The following KCND2 variants were observed in gnomAD, a reference collection of about 807,000 sequenced individuals.
The protein encoded by KCND2 is potassium voltage-gated channel subfamily D member 2, also known as A-type voltage-gated potassium channel KCND2.
Under a neutral mutation model 54.4 loss-of-function variants are expected in KCND2, and 16 were observed. That is an observed-to-expected ratio of 0.29 (90% CI 0.20 to 0.45). The LOEUF is 0.45. KCND2 is among the 20% of genes least tolerant of loss of function. The pLI, the probability that KCND2 is intolerant of heterozygous loss-of-function variation, is 1.00. For synonymous variants in KCND2, 317 were observed against 310.7 expected (o/e 1.02, Z -0.21); for missense variants, 486 against 824.2 (o/e 0.59, Z 5.02).
At chr7:120,668,824 T>C (rs1368330688) in intron 1 of KCND2, among the ~76,000 whole-genome samples, 1 of 152,052 alleles carries the variant, frequency 6.6e-6, no homozygotes, top group Admixed American at 6.5e-5. Flanking sequence ...ACAGTGCTCG[T>C]TGATATTTAT....
chr7:120,593,953 G>T (rs547161992), intron 1 of KCND2, among the ~76,000 whole-genome samples: 1 of 152,264 alleles, frequency 6.6e-6, no homozygotes, highest in Admixed American at 6.5e-5. Context: ...CTGCTGGCCT[G>T]CCCAGACCAG....
chr7:120,721,290 T>C (rs1162232139), intron 1 of KCND2, among the ~76,000 whole-genome samples: 1 of 152,162 alleles, frequency 6.6e-6, no homozygotes, highest in Non-Finnish European at 1.5e-5. Flanking sequence ...AAGATCCTCT[T>C]CATGTATATA....
At chr7:120,548,171 A>C (rs1363571170) in intron 1 of KCND2, among the ~76,000 whole-genome samples, 1 of 152,138 alleles carries the variant, frequency 6.6e-6, no homozygotes, top group Non-Finnish European at 1.5e-5. Flanking sequence ...ACATGGGTTT[A>C]TGTGGGTAAT....
At chr7:120,522,905 T>G (rs1033709681) in intron 1 of KCND2, among the ~76,000 whole-genome samples, 1 of 152,186 alleles carries the variant, frequency 6.6e-6, no homozygotes, top group Non-Finnish European at 1.5e-5. Flanking sequence ...TTCTGTCAAT[T>G]TTCAGTAATG....
chr7:120,537,707 A>G (rs892972694), intron 1 of KCND2, among the ~76,000 whole-genome samples: 19 of 152,202 alleles, frequency 1.2e-4, no homozygotes, highest in African/African-American at 4.3e-4. Context: ...CTTTTATGTC[A>G]TGGAGATGGC....
At chr7:120,386,146 G>A (rs1347208855) in intron 1 of KCND2, among the ~76,000 whole-genome samples, 1 of 152,068 alleles carries the variant, frequency 6.6e-6, no homozygotes, top group Non-Finnish European at 1.5e-5. Flanking sequence ...TTTGTATAGT[G>A]CATTATTTAC....
intron 1 of KCND2, among the ~76,000 whole-genome samples, chr7:120,545,585 T>C (rs1025221551): frequency 3.3e-5 from 5 of 151,874 alleles, no homozygotes; most frequent in African/African-American, 1.2e-4. Context: ...AAATTAGTCA[T>C]ATAAATAAAA....
At chr7:120,570,739 A>G (rs1375265140) in intron 1 of KCND2, among the ~76,000 whole-genome samples, 1 of 152,088 alleles carries the variant, frequency 6.6e-6, no homozygotes, top group African/African-American at 2.4e-5. Flanking sequence ...TTCTATAATG[A>G]TTCTCTCACA....
chr7:120,453,030 T>C (rs1802139770), intron 1 of KCND2, among the ~76,000 whole-genome samples: 2 of 152,178 alleles, frequency 1.3e-5, no homozygotes, highest in African/African-American at 2.4e-5. Context: ...CCAGTGACTA[T>C]GCCTGACCAT....
In KCND2 at chr7:120,667,457, AAAG is replaced by A. The variant is rs1265756350; in HGVS notation, c.1116-65440_1116-65438del. Among the ~76,000 whole-genome samples, 12 of 152,012 alleles carry A rather than the reference AAAG, an allele frequency of 7.9e-5. 1 individual carries two copies. Among genetic ancestry groups the A allele is most frequent in the Non-Finnish European group, 2.9e-5 (2 of 67,940 alleles). On this transcript the variant is annotated intron_variant, in intron 1 of 5. Transcript: ENST00000331113. ...TCTCCAATAACTACAGTAATAAAAGAAAGAAGAAAAATATGAACCCCATACTGT... is the reference window on the plus strand; with the variant it reads ...TCTCCAATAACTACAGTAATAAAAGAAAGAAAAATATGAACCCCATACTGT...
At chr7:120,416,288 C>T (rs549085142) in intron 1 of KCND2, among the ~76,000 whole-genome samples, 48 of 152,318 alleles carry the variant, frequency 3.2e-4, no homozygotes, top group African/African-American at 1.1e-3. Flanking sequence ...TGTGCCAAAC[C>T]TATATCTGCC....
At chr7:120,732,044 A>G (rs867402539) in intron 1 of KCND2, among the ~76,000 whole-genome samples, 14 of 152,254 alleles carry the variant, frequency 9.2e-5, no homozygotes, top group Middle Eastern at 3.4e-3. Context: ...CAAGATATGA[A>G]TCTGATTTTC....
At chr7:120,294,381 A>G (rs1001611892) in intron 1 of KCND2, among the ~76,000 whole-genome samples, 28 of 152,030 alleles carry the variant, frequency 1.8e-4, no homozygotes, top group African/African-American at 6.5e-4. Flanking sequence ...TTTATCGAGT[A>G]TGAAATTCAT....
intron 1 of KCND2, among the ~76,000 whole-genome samples, chr7:120,382,765 G>C (rs1469801252): frequency 1.3e-5 from 2 of 151,642 alleles, no homozygotes; most frequent in African/African-American, 4.8e-5. Flanking sequence ...GGGGGTACTT[G>C]CTCAAAATAA....
chr7:120,320,629 T>C (rs990983115), intron 1 of KCND2, among the ~76,000 whole-genome samples: 4 of 152,128 alleles, frequency 2.6e-5, no homozygotes, highest in Non-Finnish European at 5.9e-5. Flanking sequence ...AGGGTTGACA[T>C]TGAAAGCAGG....
intron 1 of KCND2, among the ~76,000 whole-genome samples, chr7:120,469,591 G>A (rs1802424677): frequency 6.6e-6 from 1 of 152,126 alleles, no homozygotes; most frequent in Non-Finnish European, 1.5e-5. Flanking sequence ...TTCCATTTCT[G>A]TCTGTTTTTG....
chr7:120,708,700 A>C (rs995341481), intron 1 of KCND2, among the ~76,000 whole-genome samples: 1 of 151,998 alleles, frequency 6.6e-6, no homozygotes, highest in Non-Finnish European at 1.5e-5. Context: ...CTTTCCTACT[A>C]ATGTTTTATA....
chr7:120,539,224 A>C (rs1369792506), intron 1 of KCND2, among the ~76,000 whole-genome samples: 1 of 152,164 alleles, frequency 6.6e-6, no homozygotes, highest in African/African-American at 2.4e-5. Flanking sequence ...CTTTCTCATG[A>C]ACAATTAAAT....
At chr7:120,390,874 A>G (rs1801063617) in intron 1 of KCND2, among the ~76,000 whole-genome samples, 1 of 152,138 alleles carries the variant, frequency 6.6e-6, no homozygotes, top group Middle Eastern at 3.4e-3. Context: ...GGTTATGGCA[A>G]ACAGAAAGTT....
Sources: gnomAD v4.1 joint callset for allele counts (sites outside exome capture counted in the v4.1 genomes callset) on GRCh38, gnomAD v4.1.1 for gene constraint, MANE v1.5 for transcripts, NCBI Gene and HGNC (gene_info 2026-07-23, HGNC 2026-07-21) for gene names.